Variants in BAIAP2L1 observed in about 807,000 individuals in gnomAD.
The protein encoded by BAIAP2L1 is BAR/IMD domain-containing adapter protein 2-like 1.
In BAIAP2L1, 35 loss-of-function variants were observed where a neutral mutation model predicts 66.3. The observed-to-expected ratio is 0.53, with a 90% CI of 0.40 to 0.70. The LOEUF (loss-of-function observed/expected upper bound fraction) is 0.70, where lower values mean the gene tolerates loss of function less well. Ranked by LOEUF, BAIAP2L1 falls within the 30% of genes least tolerant of loss-of-function variation. The pLI, the probability that BAIAP2L1 is intolerant of heterozygous loss-of-function variation, is 0.00. For synonymous variants in BAIAP2L1, 269 were observed against 248.7 expected, an observed-to-expected ratio of 1.08 and a Z score of -0.77; for missense variants, 622 against 656.9, an observed-to-expected ratio of 0.95 and a Z score of 0.58.
At chr7:98,343,246 A>AT (rs1403965347) in intron 3 of BAIAP2L1, among the ~76,000 whole-genome samples, 2 of 85,662 alleles carry the variant, frequency 2.3e-5, no homozygotes, top group East Asian at 7.2e-4. Flanking sequence ...GGAAAAAAAA[A>AT]ATACACACAC....
At chr7:98,347,761 G>C (rs1801906009) in intron 3 of BAIAP2L1, among the ~76,000 whole-genome samples, 2 of 151,730 alleles carry the variant, frequency 1.3e-5, no homozygotes, top group South Asian at 2.1e-4. Flanking sequence ...CCGGGCGACA[G>C]AGCGAAACAA....
rs573788657 is a variant in BAIAP2L1 at position 98,317,072 on chromosome 7, C to T, written c.486+147G>A. The T allele has an allele frequency of 3.6e-4, 351 of 988,518 alleles. 4 individuals are homozygous for T. Among genetic ancestry groups the T allele is most frequent in the South Asian group, 2.8e-3 (179 of 64,412 alleles). The allele number at this position is 988,518 out of a possible 1,614,324, so 61.2% of individuals were successfully genotyped here. A position where few individuals can be genotyped will look rare whatever the true frequency, so the allele number is the denominator to read the frequency against. On this transcript the variant is annotated intron_variant, in intron 6 of 13. Coordinates refer to ENST00000005260, the MANE Select transcript of BAIAP2L1 (RefSeq NM_018842.5). ...TTCACCACATTGGCCAGGCTGGTCT[C>T]GAACTCCTGACCTCATATGATCCTA... is the stretch of plus-strand genomic sequence containing the variant.
chr7:98,345,902 T>A (rs1801862237), intron 3 of BAIAP2L1, among the ~76,000 whole-genome samples: 1 of 151,174 alleles, frequency 6.6e-6, no homozygotes. Flanking sequence ...AAATCATTTA[T>A]AGGATGGCTA....
intron 1 of BAIAP2L1, among the ~76,000 whole-genome samples, chr7:98,381,640 C>G (rs1802761592): frequency 2.0e-5 from 3 of 152,218 alleles, no homozygotes; most frequent in Admixed American, 6.5e-5. Context: ...ACCGCTGCTT[C>G]TTCTGATATA....
Position 98,328,347 on chromosome 7 carries a change from C to T in BAIAP2L1, c.215-8049G>A, listed in dbSNP as rs889911476. Among the ~76,000 whole-genome samples, 5 of 152,082 alleles carry T rather than the reference C, an allele frequency of 3.3e-5. 1 individual carries two copies. Among genetic ancestry groups the T allele is most frequent in the Admixed American group, 2.0e-4 (3 of 15,258 alleles). ...AAGACGGGGCAAAGGTCACAGCATC[C>T]GCAGGAAGATGCAATGACATCAGAC... is the stretch of plus-strand genomic sequence containing the variant. On this transcript the variant is annotated intron_variant, in intron 3 of 13. Coordinates refer to ENST00000005260, the MANE Select transcript of BAIAP2L1 (RefSeq NM_018842.5).
At chr7:98,400,527 AAG>A (rs960871921) in intron 1 of BAIAP2L1, among the ~76,000 whole-genome samples, 186 of 111,264 alleles carry the variant, frequency 1.7e-3, no homozygotes, top group Non-Finnish European at 2.5e-3. Flanking sequence ...CGGGGCGGGA[AAG>A]AGAGACAGGG....
Position 98,293,088 on chromosome 7 carries a change from G to T in BAIAP2L1, c.*433C>A, listed in dbSNP as rs970425096. ...TTTGCATGCTAAGATGCAAACTTAC[G>T]TGATATCTTCTTTAGACATAATGCT... On this transcript the variant is annotated 3_prime_UTR_variant, in exon 14 of 14. Transcript: ENST00000005260. 19 of 561,120 alleles carry T rather than the reference G, an allele frequency of 3.4e-5. No individual in the cohort carries two copies. The highest frequency in any genetic ancestry group is 4.2e-5 in the Non-Finnish European group (18 of 425,520). 34.8% of individuals were successfully genotyped at this position (561,120 alleles called of 1,614,324 possible).
chr7:98,297,362 G>A (rs1303130372), intron 12 of BAIAP2L1, among the ~76,000 whole-genome samples: 6 of 152,128 alleles, frequency 3.9e-5, no homozygotes, highest in African/African-American at 1.4e-4. Context: ...TTTCAGAGGG[G>A]TCCCGGGCAG....
chr7:98,389,918 A>ATTTTTTTTTTT (rs750099451), intron 1 of BAIAP2L1, among the ~76,000 whole-genome samples: 36,660 of 126,024 alleles, frequency 0.29, 6,278 homozygotes, highest in Non-Finnish European at 0.41. Flanking sequence ...GGGTTAGTAA[A>ATTTTTTTTTTT]TTTTTTTTTT....
intron 1 of BAIAP2L1, among the ~76,000 whole-genome samples, chr7:98,373,914 G>T (rs1234197436): frequency 6.6e-6 from 1 of 152,140 alleles, no homozygotes; most frequent in Non-Finnish European, 1.5e-5. Flanking sequence ...CGGGACAAAG[G>T]ACATTGAAGG....
intron 3 of BAIAP2L1, among the ~76,000 whole-genome samples, chr7:98,350,092 T>C (rs1248864916): frequency 6.7e-6 from 1 of 148,598 alleles, no homozygotes; most frequent in East Asian, 2.0e-4. Flanking sequence ...GGTTTCAAGG[T>C]AAGACCCTGC....
chr7:98,347,872 C>T (rs149418252), intron 3 of BAIAP2L1, among the ~76,000 whole-genome samples: 1 of 152,168 alleles, frequency 6.6e-6, no homozygotes. Flanking sequence ...CCATCATTCT[C>T]AGGAAACTAA....
intron 12 of BAIAP2L1, among the ~76,000 whole-genome samples, chr7:98,297,793 G>A (rs1800252287): frequency 2.0e-5 from 3 of 152,342 alleles, no homozygotes; most frequent in East Asian, 1.9e-4. Context: ...GGGCACTGGC[G>A]GCTCTCAGGA....
chr7:98,319,821 G>C (rs765838495), intron 5 of BAIAP2L1, among the ~76,000 whole-genome samples: 1 of 152,194 alleles, frequency 6.6e-6, no homozygotes, highest in Non-Finnish European at 1.5e-5. Flanking sequence ...AAAGTGCTGG[G>C]ATTACAGGCA....
chr7:98,341,204 T>C (rs1801734783), intron 3 of BAIAP2L1, among the ~76,000 whole-genome samples: 1 of 152,122 alleles, frequency 6.6e-6, no homozygotes, highest in African/African-American at 2.4e-5. Flanking sequence ...ATGATCGCAT[T>C]ATAAATGCTT....
At chr7:98,356,474 T>C (rs1364752169) in intron 2 of BAIAP2L1, among the ~76,000 whole-genome samples, 3 of 152,002 alleles carry the variant, frequency 2.0e-5, no homozygotes, top group South Asian at 4.2e-4. Flanking sequence ...TAATGGGCAA[T>C]TGTTTTAACA....
chr7:98,317,544 C>A (rs1437839326), intron 5 of BAIAP2L1, among the ~76,000 whole-genome samples, 188 bp from the exon 6 acceptor site: 1 of 151,854 alleles, frequency 6.6e-6, no homozygotes, highest in Non-Finnish European at 1.5e-5. Context: ...TGGCCGGGGT[C>A]CCATGCCCAC....
intron 3 of BAIAP2L1, among the ~76,000 whole-genome samples, chr7:98,322,112 G>A (rs936606720): frequency 6.6e-6 from 1 of 152,042 alleles, no homozygotes; most frequent in Non-Finnish European, 1.5e-5. Context: ...CCCCAAAAAA[G>A]GAATTCTAGT....
At chr7:98,347,069 C>T (rs1801887616) in intron 3 of BAIAP2L1, among the ~76,000 whole-genome samples, 1 of 152,164 alleles carries the variant, frequency 6.6e-6, no homozygotes, top group Non-Finnish European at 1.5e-5. Flanking sequence ...AGATACTTCA[C>T]AACATTGTAA....
Sources: gnomAD v4.1 joint callset for allele counts (sites outside exome capture counted in the v4.1 genomes callset) on GRCh38, gnomAD v4.1.1 for gene constraint, MANE v1.5 for transcripts, NCBI Gene and HGNC (gene_info 2026-07-23, HGNC 2026-07-21) for gene names.